The following CLIC5 variants were observed in gnomAD, a reference collection of about 807,000 sequenced individuals.
CLIC5 encodes the protein CLIC family member 5, also known as chloride intracellular channel protein 5.
In CLIC5, 20 loss-of-function variants were observed where a neutral mutation model predicts 24.7. The ratio of observed to expected loss-of-function variants is 0.81; its 90% CI spans 0.57 to 1.18. The LOEUF (loss-of-function observed/expected upper bound fraction) is 1.18, where lower values mean the gene tolerates loss of function less well. CLIC5 is among the 50% of genes most tolerant of loss of function. The pLI is 0.00. For missense variants in CLIC5, 341 were observed against 326.1 expected (o/e 1.05, Z -0.35); for synonymous variants, 159 against 135.6 (o/e 1.17, Z -1.20).
At chr6:45,990,334 G>C (rs188751896) in intron 1 of CLIC5, among the ~76,000 whole-genome samples, 11 of 152,266 alleles carry the variant, frequency 7.2e-5, no homozygotes, top group Non-Finnish European at 2.9e-5. Context: ...CCAGCAATAG[G>C]TCAGTGAGTT....
chr6:46,049,993 C>T (rs1315222223), intron 1 of CLIC5, among the ~76,000 whole-genome samples: 1 of 152,162 alleles, frequency 6.6e-6, no homozygotes, highest in Admixed American at 6.5e-5. Context: ...TGGAGTATCT[C>T]AAGGAATGTG....
intron 4 of CLIC5, among the ~76,000 whole-genome samples, chr6:45,932,029 C>T (rs541564197): frequency 3.3e-5 from 5 of 152,302 alleles, no homozygotes; most frequent in African/African-American, 1.2e-4. Flanking sequence ...TCCAAAGATC[C>T]AGCCTCTTTT....
At chr6:45,912,629 T>G in intron 5 of CLIC5, 1 of 1,482,408 alleles carries the variant, frequency 6.7e-7, no homozygotes, top group Non-Finnish European at 9.1e-7. Context: ...ATGCTGCTAG[T>G]TGGCAGCAAA....
At chr6:45,881,401 T>G (rs1040968470) in intron 6 of CLIC5, among the ~76,000 whole-genome samples, 19 of 152,170 alleles carry the variant, frequency 1.2e-4, no homozygotes, top group African/African-American at 4.3e-4. Context: ...CTGGCTGCCC[T>G]GCCTCCTTCT....
the CLIC5 span, among the ~76,000 whole-genome samples, chr6:46,107,793 TG>T: frequency 6.6e-6 from 1 of 152,220 alleles, no homozygotes; most frequent in East Asian, 1.9e-4. Context: ...CCCAGCACTT[TG>T]GGAGGTCAAG....
chr6:45,914,507 C>G, intron 4 of CLIC5, 98 bp from the exon 5 acceptor site: 1 of 1,334,470 alleles, frequency 7.5e-7, no homozygotes, highest in Non-Finnish European at 9.6e-7. Context: ...GAATCCTGTC[C>G]CCTTCATCAC....
At chr6:46,110,339 A>G in the CLIC5 span, among the ~76,000 whole-genome samples, 13 of 152,098 alleles carry the variant, frequency 8.5e-5, no homozygotes, top group South Asian at 2.7e-3. Flanking sequence ...CTTTTTCTCA[A>G]TCCTTTTACT....
chr6:45,969,251 G>C (rs1765115218), intron 1 of CLIC5, among the ~76,000 whole-genome samples: 1 of 152,054 alleles, frequency 6.6e-6, no homozygotes, highest in Admixed American at 6.5e-5. Flanking sequence ...TGCAGGGGAG[G>C]GGCCAGCACT....
chr6:45,976,162 G>A (rs1765378005), intron 1 of CLIC5, among the ~76,000 whole-genome samples: 1 of 152,188 alleles, frequency 6.6e-6, no homozygotes. Flanking sequence ...CACCTATGGA[G>A]AGATGAAGGT....
upstream of CLIC5, among the ~76,000 whole-genome samples, chr6:46,083,516 C>T (rs1424799217): frequency 6.6e-6 from 1 of 152,048 alleles, no homozygotes; most frequent in African/African-American, 2.4e-5. Context: ...TTATTTCTGC[C>T]TTCATTTCAT....
At chr6:46,068,328 T>C (rs1447576621) in intron 1 of CLIC5, among the ~76,000 whole-genome samples, 1 of 152,282 alleles carries the variant, frequency 6.6e-6, no homozygotes, top group African/African-American at 2.4e-5. Flanking sequence ...ACAAAGCTGA[T>C]ACAGAGGGCT....
intron 1 of CLIC5, among the ~76,000 whole-genome samples, chr6:45,980,103 C>T (rs1314453680): frequency 2.0e-5 from 3 of 152,000 alleles, no homozygotes; most frequent in Non-Finnish European, 2.9e-5. Flanking sequence ...GGTTGAGTTT[C>T]AATCTTCTGC....
intron 1 of CLIC5, among the ~76,000 whole-genome samples, chr6:46,058,850 A>G (rs1768337587): frequency 6.6e-6 from 1 of 152,232 alleles, no homozygotes; most frequent in Non-Finnish European, 1.5e-5. Context: ...ACAGGTTGGC[A>G]GAAGGAGCCA....
intron 1 of CLIC5, among the ~76,000 whole-genome samples, chr6:46,003,109 A>G (rs1766419457): frequency 6.6e-6 from 1 of 152,164 alleles, no homozygotes; most frequent in South Asian, 2.1e-4. Flanking sequence ...CTCATCTGTA[A>G]ATTGGGAATA....
At chr6:46,021,508 T>G (rs1767182864) in intron 1 of CLIC5, among the ~76,000 whole-genome samples, 1 of 152,170 alleles carries the variant, frequency 6.6e-6, no homozygotes, top group Non-Finnish European at 1.5e-5. Context: ...TTATTCATAA[T>G]TGCCCCAAAC....
At chr6:45,995,716 TAA>T (rs1766109703) in intron 1 of CLIC5, among the ~76,000 whole-genome samples, 1 of 152,126 alleles carries the variant, frequency 6.6e-6, no homozygotes, top group South Asian at 2.1e-4. Context: ...ATTTTTTTTC[TAA>T]AGAGATAATA....
chr6:45,887,341 A>T (rs1762313397), intron 6 of CLIC5, among the ~76,000 whole-genome samples: 1 of 152,150 alleles, frequency 6.6e-6, no homozygotes. Flanking sequence ...CCCTTCTGCT[A>T]GCCCCAGGTT....
In CLIC5 at chr6:45,972,028, G is replaced by T. The variant is rs180849169; in HGVS notation, c.64-16784C>A. ...AGGGCCAGACACATTTACTCTAGTT[G>T]TTCAAAATGTAGCCTGCATGAAAAG... is the stretch of plus-strand genomic sequence containing the variant. On this transcript the variant is annotated intron_variant, in intron 1 of 5. Transcript: ENST00000339561. Among the ~76,000 whole-genome samples, 403 of 152,188 alleles carry T rather than the reference G, an allele frequency of 2.6e-3. 4 individuals carry two copies. Among genetic ancestry groups the T allele is most frequent in the African/African-American group, 8.8e-3 (364 of 41,506 alleles).
At chr6:46,042,377 T>C (rs547777465) in intron 1 of CLIC5, among the ~76,000 whole-genome samples, 2 of 152,170 alleles carry the variant, frequency 1.3e-5, no homozygotes, top group South Asian at 2.1e-4. Context: ...GTTTTTTTTG[T>C]TTTTGTTTTG....
Sources: allele counts gnomAD v4.1 joint callset (sites outside exome capture counted in the v4.1 genomes callset), GRCh38; gene constraint gnomAD v4.1.1; transcripts MANE v1.5; gene names NCBI Gene and HGNC (gene_info 2026-07-23, HGNC 2026-07-21).